The following CAMTA1 variants were observed in gnomAD, a reference collection of about 807,000 sequenced individuals.
CAMTA1 encodes calmodulin-binding transcription activator 1.
CAMTA1 carries 27 observed loss-of-function variants against 170.9 expected under a neutral mutation model. That is an observed-to-expected ratio of 0.16 (90% CI 0.12 to 0.22). CAMTA1 has a LOEUF of 0.22. Among genes scored for constraint, CAMTA1 ranks in the 10% least tolerant of loss-of-function variants. The pLI, the probability that CAMTA1 is intolerant of heterozygous loss-of-function variation, is 1.00. For synonymous variants in CAMTA1, 833 were observed against 891.5 expected (o/e 0.93, Z 1.17); for missense variants, 1,619 against 2,217.2 (o/e 0.73, Z 5.42).
chr1:7,372,736 T>G (rs546340940), intron 5 of CAMTA1, among the ~76,000 whole-genome samples: 1 of 152,330 alleles, frequency 6.6e-6, no homozygotes, highest in Admixed American at 6.5e-5. Context: ...TGTGCTCTTA[T>G]TACCCTGTCG....
At chr1:7,741,750 C>T (rs188217911) in intron 16 of CAMTA1, among the ~76,000 whole-genome samples, 2 of 151,876 alleles carry the variant, frequency 1.3e-5, no homozygotes, top group African/African-American at 4.8e-5. Context: ...CAAAAATTAG[C>T]CAGGTGTGTT....
intron 3 of CAMTA1, chr1:6,834,560 C>T (rs11120777): frequency 0.077 from 16,916 of 220,134 alleles, 990 homozygotes; most frequent in East Asian, 0.25. Context: ...CACGCCACAG[C>T]GGTGGCACAA....
chr1:7,465,464 C>T (rs1016677862), intron 5 of CAMTA1, among the ~76,000 whole-genome samples: 12 of 146,672 alleles, frequency 8.2e-5, no homozygotes, highest in Middle Eastern at 3.5e-3. Context: ...TCCCACCATC[C>T]AGGGACCACG....
intron 3 of CAMTA1, among the ~76,000 whole-genome samples, chr1:7,031,508 T>A (rs1438110426): frequency 1.3e-5 from 2 of 152,214 alleles, no homozygotes; most frequent in Non-Finnish European, 2.9e-5. Context: ...TAACATATAG[T>A]TTGGTCTTGC....
rs956235858 is a variant in CAMTA1, at chr1:6,971,534, G to T, written c.235-119770G>T. Reference sequence around the variant, plus strand: ...CTAATTTTACGTTGTCTTTGGAGTTGCTCAGGGGCCAAAGTGCCTTCTGGG... The same window carrying T: ...CTAATTTTACGTTGTCTTTGGAGTTTCTCAGGGGCCAAAGTGCCTTCTGGG... On this transcript the variant is annotated intron_variant, in intron 3 of 22. Coordinates refer to ENST00000303635, the MANE Select transcript of CAMTA1 (RefSeq NM_015215.4). The surrounding 1 kb of genome is among the most constrained non-coding windows in gnomAD (Gnocchi z 4.6). 6.6e-6 allele frequency among the ~76,000 whole-genome samples: 1 copy of T among 151,992 alleles called. No individual in the cohort carries two copies.
At chr1:7,605,630 C>T (rs1204292115) in intron 6 of CAMTA1, among the ~76,000 whole-genome samples, 1 of 152,230 alleles carries the variant, frequency 6.6e-6, no homozygotes, top group Non-Finnish European at 1.5e-5. Flanking sequence ...CTTTGTGCTT[C>T]CCAGGTGAGG....
intron 8 of CAMTA1, 38 bp from the exon 9 acceptor site, chr1:7,663,315 T>C (rs373164449): frequency 2.6e-6 from 4 of 1,514,520 alleles, no homozygotes; most frequent in Non-Finnish European, 3.5e-6. Flanking sequence ...CATGTGTGCC[T>C]GCGTGTGCGT....
At chr1:7,205,200 T>C (rs543371099) in intron 4 of CAMTA1, among the ~76,000 whole-genome samples, 1 of 152,206 alleles carries the variant, frequency 6.6e-6, no homozygotes, top group East Asian at 1.9e-4. Context: ...CTCTGCCTCC[T>C]GGGTTCAAGC....
At chr1:7,407,881 A>C (rs757409911) in intron 5 of CAMTA1, among the ~76,000 whole-genome samples, 1 of 152,074 alleles carries the variant, frequency 6.6e-6, no homozygotes, top group Admixed American at 6.5e-5. Context: ...CTTGCATTCT[A>C]TCCCATTTTT....
chr1:7,732,378 C>A lies in CAMTA1; in HGVS notation c.2915-70C>A. On this transcript the variant is annotated intron_variant, in intron 11 of 22. Transcript: ENST00000303635. This position sits in a 1 kb window ranked among gnomAD's most constrained non-coding sequence, Gnocchi z 4.1. The stretch of plus-strand genomic sequence containing the variant: ...GCATTTGGATGCTGGTCCCGCAAGG[C>A]TGGCGAGGCCACGTGTTGACTGCTT... 1 of 1,393,272 alleles carries A rather than the reference C, an allele frequency of 7.2e-7. No individual in the cohort carries two copies. The highest frequency in any genetic ancestry group is 1.4e-5 in the African/African-American group (1 of 70,650). 86.3% of individuals were successfully genotyped at this position (1,393,272 alleles called of 1,614,324 possible). A position where few individuals can be genotyped will look rare whatever the true frequency, so the allele number is the denominator to read the frequency against.
At chr1:6,939,178 C>T (rs2149414036) in intron 3 of CAMTA1, among the ~76,000 whole-genome samples, 1 of 152,290 alleles carries the variant, frequency 6.6e-6, no homozygotes, top group African/African-American at 2.4e-5. Flanking sequence ...CGTGGAGCGT[C>T]AGAGGTCAAG....
chr1:7,106,098 C>T (rs1408968328), intron 4 of CAMTA1, among the ~76,000 whole-genome samples: 1 of 152,148 alleles, frequency 6.6e-6, no homozygotes, highest in East Asian at 1.9e-4. Context: ...ATTTGTAAAA[C>T]TGCTTAGATC....
chr1:7,325,895 G>T lies in CAMTA1; in HGVS notation c.438+76269G>T, dbSNP rs760364349. Among the ~76,000 whole-genome samples, 12 of 152,154 alleles carry T rather than the reference G, an allele frequency of 7.9e-5. No individual in the cohort carries two copies. The highest frequency in any genetic ancestry group is 1.5e-4 in the Non-Finnish European group (10 of 68,040). On this transcript the variant is annotated intron_variant, in intron 5 of 22. Transcript: ENST00000303635. This position sits in a 1 kb window ranked among gnomAD's most constrained non-coding sequence, Gnocchi z 5.0. ...GTTTTATGAGGCAGAGTCTCGCTCT[G>T]TTGCCCAGGCTGGAGGGCAGTGGTG... is the stretch of plus-strand genomic sequence containing the variant.
At chr1:6,878,169 A>C (rs746002284) in intron 3 of CAMTA1, among the ~76,000 whole-genome samples, 7 of 152,278 alleles carry the variant, frequency 4.6e-5, no homozygotes, top group Non-Finnish European at 7.3e-5. Context: ...GAGAGTAGCA[A>C]CATTCATGGT....
At chr1:7,448,236 G>T (rs1159426092) in intron 5 of CAMTA1, among the ~76,000 whole-genome samples, 1 of 152,224 alleles carries the variant, frequency 6.6e-6, no homozygotes, top group Non-Finnish European at 1.5e-5. Flanking sequence ...TGGACATGGA[G>T]TGGGGGGGCT....
rs370002559 is a variant in CAMTA1, at chr1:7,642,006, C to T, written c.664+1453C>T. Among the ~76,000 whole-genome samples, 23 of 152,020 alleles carry T rather than the reference C, an allele frequency of 1.5e-4. No homozygotes were observed. The East Asian group carries it at 3.9e-3, about 26-fold the overall frequency. ...TGCGCCCTTTCCACCTGCTGTAGTC[C>T]CCACTCCCCAGAGCCTGCTGCCTCT... On this transcript the variant is annotated intron_variant, in intron 7 of 22. Coordinates refer to ENST00000303635, the MANE Select transcript of CAMTA1 (RefSeq NM_015215.4). This position sits in a 1 kb window ranked among gnomAD's most constrained non-coding sequence, Gnocchi z 6.3.
chr1:6,884,291 G>GACACAC (rs112571156), intron 3 of CAMTA1, among the ~76,000 whole-genome samples: 6,772 of 136,516 alleles, frequency 0.05, 185 homozygotes, highest in Middle Eastern at 0.065. Flanking sequence ...ATTCTCTAGA[G>GACACAC]ACACACACAC....
chr1:7,332,005 A>G (rs557178003), intron 5 of CAMTA1, among the ~76,000 whole-genome samples: 2 of 152,252 alleles, frequency 1.3e-5, no homozygotes, highest in African/African-American at 4.8e-5. Context: ...CCACAACATA[A>G]ATGTCCACAC....
intron 5 of CAMTA1, among the ~76,000 whole-genome samples, chr1:7,461,199 T>A (rs1022192860): frequency 1.3e-5 from 2 of 152,192 alleles, no homozygotes; most frequent in Non-Finnish European, 2.9e-5. Context: ...CTTCCCTGGT[T>A]GATTCAGGCC....
Sources: allele counts gnomAD v4.1 joint callset (sites outside exome capture counted in the v4.1 genomes callset), GRCh38; gene constraint gnomAD v4.1.1; non-coding constraint Gnocchi (gnomAD v3.1); transcripts MANE v1.5; gene names NCBI Gene and HGNC (gene_info 2026-07-23, HGNC 2026-07-21).